SYN2: variants seen among roughly 807,000 people sequenced by gnomAD.
SYN2 encodes synapsin-2.
A neutral mutation model predicts 50.9 loss-of-function variants in SYN2; 19 were observed. The ratio of observed to expected loss-of-function variants is 0.37; its 90% CI spans 0.26 to 0.55. SYN2 has a LOEUF of 0.55. Ranked by LOEUF, SYN2 falls within the 20% of genes least tolerant of loss-of-function variation. SYN2 has a pLI of 0.81. For synonymous variants in SYN2, 255 were observed against 224.9 expected, an observed-to-expected ratio of 1.13 and a Z score of -1.20; for missense variants, 587 against 576.4, an observed-to-expected ratio of 1.02 and a Z score of -0.19.
chr3:12,110,375 T>G (rs576179701), intron 1 of SYN2, among the ~76,000 whole-genome samples: 1 of 152,220 alleles, frequency 6.6e-6, no homozygotes, highest in African/African-American at 2.4e-5. Context: ...TGGCATTGAG[T>G]GCCTGAAGCT....
At chr3:12,185,393 G>C (rs1307863672) in intron 11 of SYN2, 1 of 985,640 alleles carries the variant, frequency 1.0e-6, no homozygotes, top group Non-Finnish European at 1.2e-6. Context: ...TTTGAATTCA[G>C]TCAGGCTACA....
chr3:12,120,851 TC>T (rs2125202370), intron 1 of SYN2, among the ~76,000 whole-genome samples: 1 of 152,274 alleles, frequency 6.6e-6, no homozygotes, highest in South Asian at 2.1e-4. Context: ...TTCTCCCCCT[TC>T]CTTCTCATCT....
intron 1 of SYN2, among the ~76,000 whole-genome samples, chr3:12,069,500 G>C (rs1226633181): frequency 6.6e-6 from 1 of 152,114 alleles, no homozygotes; most frequent in Non-Finnish European, 1.5e-5. Flanking sequence ...GCCCGCCTCA[G>C]CCTCCCAAAG....
chr3:12,079,281 G>C (rs1695536774), intron 1 of SYN2, among the ~76,000 whole-genome samples: 1 of 152,120 alleles, frequency 6.6e-6, no homozygotes, highest in African/African-American at 2.4e-5. Context: ...CTTCCCGTTT[G>C]AATATCCTTT....
chr3:12,019,194 T>G (rs1367665718), intron 1 of SYN2, among the ~76,000 whole-genome samples: 1 of 152,112 alleles, frequency 6.6e-6, no homozygotes, highest in African/African-American at 2.4e-5. Flanking sequence ...ATGGGGGAAT[T>G]TGGAGGGAAT....
intron 1 of SYN2, among the ~76,000 whole-genome samples, chr3:12,025,270 G>A (rs1008148701): frequency 1.3e-5 from 2 of 152,116 alleles, no homozygotes; most frequent in Non-Finnish European, 2.9e-5. Context: ...TTTAATATAT[G>A]TGTTTGGGAG....
chr3:12,073,516 A>G (rs1207794675), intron 1 of SYN2, among the ~76,000 whole-genome samples: 1 of 152,140 alleles, frequency 6.6e-6, no homozygotes, highest in Non-Finnish European at 1.5e-5. Context: ...TGTTGCTGCA[A>G]TTTCTTCTTC....
intron 6 of SYN2, 46 bp from the exon 7 acceptor site, chr3:12,161,966 A>G (rs1697659264): frequency 7.5e-6 from 12 of 1,608,846 alleles, no homozygotes; most frequent in Non-Finnish European, 9.3e-6. Flanking sequence ...CAGTGTGTGT[A>G]TGTGTGTGTC....
Position 12,151,334 on chromosome 3 carries a change from G to T in SYN2, c.774+8G>T, listed in dbSNP as rs531215099. Reference sequence around the variant, plus strand: ...CCCAACCACAAAGAGATGGTAAGTGGCTCAGTGGGGACATTAGTCTTTCTG... The same window carrying T: ...CCCAACCACAAAGAGATGGTAAGTGTCTCAGTGGGGACATTAGTCTTTCTG... On this transcript the variant is annotated splice_region_variant and intron_variant, in intron 5 of 12. Coordinates refer to ENST00000621198, the MANE Select transcript of SYN2 (RefSeq NM_133625.6). The T allele has an allele frequency of 1.9e-6, 3 of 1,605,794 alleles. No individual in the cohort carries two copies. The highest frequency in any genetic ancestry group is 4.5e-5 in the East Asian group (2 of 44,814).
At position 12,018,963 on chromosome 3, in the gene SYN2, G is replaced by A. The variant is rs75953499; in HGVS notation, c.377+14035G>A. ...AGGAAATAGGTTTTCTCAAGTATCA[G>A]GGCTGTTGAGTCTAGTTAGAACTGT... On this transcript the variant is annotated intron_variant, in intron 1 of 12. Coordinates refer to ENST00000621198, the MANE Select transcript of SYN2 (RefSeq NM_133625.6). Among the ~76,000 whole-genome samples the A allele has an allele frequency of 2.6e-4, 40 of 152,282 alleles. No homozygotes were observed. In the East Asian group the frequency reaches 7.5e-3, roughly 29 times the overall value.
chr3:12,062,415 G>A (rs1054993675), intron 1 of SYN2, among the ~76,000 whole-genome samples: 1 of 151,924 alleles, frequency 6.6e-6, no homozygotes, highest in Non-Finnish European at 1.5e-5. Context: ...AGAAAACACA[G>A]GAGGAACTCT....
At chr3:12,055,672 TC>T (rs1177528742) in intron 1 of SYN2, among the ~76,000 whole-genome samples, 1 of 152,088 alleles carries the variant, frequency 6.6e-6, no homozygotes, top group African/African-American at 2.4e-5. Flanking sequence ...AAGGCAGAAG[TC>T]TTTTACATAT....
At chr3:12,185,341 C>T in intron 11 of SYN2, 1 of 985,692 alleles carries the variant, frequency 1.0e-6, no homozygotes, top group Non-Finnish European at 1.2e-6. Context: ...ACATCTGGTG[C>T]TTTTCATGTG....
chr3:12,128,021 C>T (rs548947153), intron 1 of SYN2, among the ~76,000 whole-genome samples: 2 of 151,968 alleles, frequency 1.3e-5, no homozygotes, highest in Non-Finnish European at 2.9e-5. Context: ...ACATGGCTCA[C>T]TGCAGCCTCA....
chr3:12,030,327 G>A (rs200756590), intron 1 of SYN2, among the ~76,000 whole-genome samples: 7 of 110,238 alleles, frequency 6.3e-5, no homozygotes, highest in Non-Finnish European at 1.4e-4. Context: ...AAGAATATTG[G>A]TCTAAAATTC....
At chr3:12,131,852 C>G (rs1696801912) in intron 1 of SYN2, among the ~76,000 whole-genome samples, 1 of 152,118 alleles carries the variant, frequency 6.6e-6, no homozygotes, top group Admixed American at 6.6e-5. Context: ...GAGATCTCAT[C>G]TGCCACATAA....
rs549340092 is a variant in SYN2 at position 12,164,153 on chromosome 3, C to A, written c.980+1999C>A. 7.2e-5 allele frequency among the ~76,000 whole-genome samples: 11 copies of A among 152,202 alleles called. No homozygotes were observed. The East Asian group carries it at 1.9e-3, about 27-fold the overall frequency. On this transcript the variant is annotated intron_variant, in intron 7 of 12. Transcript: ENST00000621198. ...GCTAAAAGAAGCAAAAAAATATATACCTTCAGGCACCTAGGAAAGCAGATT... is the reference window on the plus strand; with the variant it reads ...GCTAAAAGAAGCAAAAAAATATATAACTTCAGGCACCTAGGAAAGCAGATT...
chr3:12,009,928 C>G (rs1042437295), intron 1 of SYN2, among the ~76,000 whole-genome samples: 6 of 151,996 alleles, frequency 3.9e-5, no homozygotes, highest in Admixed American at 2.6e-4. Flanking sequence ...AACCCCGTCT[C>G]TACTAAAATA....
intron 1 of SYN2, among the ~76,000 whole-genome samples, chr3:12,078,477 T>C (rs1482221071): frequency 6.6e-6 from 1 of 152,230 alleles, no homozygotes; most frequent in East Asian, 1.9e-4. Flanking sequence ...AGTTAGTTTT[T>C]GTATAATGTG....
Sources: gnomAD v4.1 joint callset for allele counts (sites outside exome capture counted in the v4.1 genomes callset) on GRCh38, gnomAD v4.1.1 for gene constraint, MANE v1.5 for transcripts, NCBI Gene and HGNC (gene_info 2026-07-23, HGNC 2026-07-21) for gene names.